Variants in TENM2 observed in about 807,000 individuals in gnomAD.
TENM2 encodes the protein teneurin-2.
Under a neutral mutation model 245.2 loss-of-function variants are expected in TENM2, and 52 were observed. The ratio of observed to expected loss-of-function variants is 0.21; its 90% CI spans 0.17 to 0.27. The LOEUF (loss-of-function observed/expected upper bound fraction) is 0.27. Among genes scored for constraint, TENM2 ranks in the 10% least tolerant of loss-of-function variants. The probability of loss-of-function intolerance (pLI) is 1.00; values close to 1 mark genes in which losing one functional copy is unlikely to be tolerated. For synonymous variants in TENM2, 1,363 were observed against 1,438.9 expected (o/e 0.95, Z 1.19); for missense variants, 3,046 against 3,666.8 (o/e 0.83, Z 4.37).
chr5:167,064,969 C>T, the TENM2 span, among the ~76,000 whole-genome samples: 1 of 152,042 alleles, frequency 6.6e-6, no homozygotes, highest in Non-Finnish European at 1.5e-5. Context: ...AATAATTATG[C>T]TGATTTCTTG....
At chr5:167,002,845 C>T in the TENM2 span, among the ~76,000 whole-genome samples, 4 of 151,820 alleles carry the variant, frequency 2.6e-5, no homozygotes, top group Non-Finnish European at 5.9e-5. Context: ...TAGGACTAGC[C>T]TATTAAGGAG....
the TENM2 span, among the ~76,000 whole-genome samples, chr5:167,259,858 T>C: frequency 2.6e-5 from 4 of 152,282 alleles, no homozygotes; most frequent in African/African-American, 9.6e-5. Context: ...CTACTTCCAA[T>C]GTCTAATGTA....
chr5:167,666,182 C>A (rs1755563049), intron 2 of TENM2, among the ~76,000 whole-genome samples: 1 of 152,198 alleles, frequency 6.6e-6, no homozygotes, highest in Non-Finnish European at 1.5e-5. Context: ...CAGCACGGAC[C>A]TTCCCAGGCA....
chr5:167,814,178 G>A (rs943360301), intron 2 of TENM2, among the ~76,000 whole-genome samples: 4 of 152,142 alleles, frequency 2.6e-5, no homozygotes, highest in African/African-American at 9.6e-5. Context: ...CTATACAGAT[G>A]ATTTTTCCTT....
At chr5:167,338,187 C>T (rs1252344728) in intron 1 of TENM2, among the ~76,000 whole-genome samples, 1 of 152,170 alleles carries the variant, frequency 6.6e-6, no homozygotes, top group Non-Finnish European at 1.5e-5. Context: ...TACAAAGTTT[C>T]TTATTATTGT....
intron 1 of TENM2, among the ~76,000 whole-genome samples, chr5:167,355,469 A>T (rs1759251391): frequency 6.6e-6 from 1 of 152,218 alleles, no homozygotes; most frequent in Admixed American, 6.5e-5. Flanking sequence ...TGAAATAATA[A>T]TCTGCTGCTG....
chr5:167,256,620 C>G, the TENM2 span, among the ~76,000 whole-genome samples: 137 of 152,176 alleles, frequency 9.0e-4, 2 homozygotes, highest in Middle Eastern at 0.014. Context: ...AAAATCTATG[C>G]AATTTATCCA....
intron 4 of TENM2, among the ~76,000 whole-genome samples, chr5:167,959,521 G>A (rs557984983): frequency 2.0e-5 from 3 of 152,144 alleles, no homozygotes; most frequent in Non-Finnish European, 1.5e-5. Context: ...GCTTCACGAA[G>A]TTCTTGTGCT....
chr5:167,998,424 A>C (rs1784207619), intron 5 of TENM2, among the ~76,000 whole-genome samples: 1 of 152,196 alleles, frequency 6.6e-6, no homozygotes, highest in African/African-American at 2.4e-5. Flanking sequence ...TCAAGGAAGA[A>C]AGATGCTTCT....
At chr5:167,046,306 A>G in the TENM2 span, among the ~76,000 whole-genome samples, 1 of 152,164 alleles carries the variant, frequency 6.6e-6, no homozygotes, top group Non-Finnish European at 1.5e-5. Flanking sequence ...TGGAAAAAAA[A>G]AGCCTGTGAT....
intron 2 of TENM2, among the ~76,000 whole-genome samples, chr5:167,553,470 C>G (rs965920237): frequency 6.6e-6 from 1 of 152,196 alleles, no homozygotes; most frequent in Non-Finnish European, 1.5e-5. Context: ...TCTCACATAG[C>G]GTCCAGATCT....
At chr5:167,763,475 C>T (rs948106140) in intron 2 of TENM2, among the ~76,000 whole-genome samples, 2 of 151,984 alleles carry the variant, frequency 1.3e-5, no homozygotes, top group Admixed American at 6.6e-5. Flanking sequence ...CACTGCCTGC[C>T]GAATGAAGAT....
rs538847283 is a variant in TENM2, at chr5:167,831,469, G to A, written c.503-44517G>A. On this transcript the variant is annotated intron_variant, in intron 2 of 28. Coordinates refer to ENST00000518659, the Ensembl canonical transcript of TENM2. ...ACCACCAAGCAAGCCTAAATCAGCT[G>A]CAAAAGAGTTCAGCACTTTTTTTTT... 2.9e-5 allele frequency among the ~76,000 whole-genome samples: 4 copies of A among 139,800 alleles called. No individual in the cohort carries two copies. In the East Asian group the frequency reaches 6.4e-4, roughly 22 times the overall value. The allele number at this position is 139,800 out of a possible 152,430, so 91.7% of individuals were successfully genotyped here. A position where few individuals can be genotyped will look rare whatever the true frequency, so the allele number is the denominator to read the frequency against.
chr5:167,386,923 A>T (rs1470282531), intron 2 of TENM2, among the ~76,000 whole-genome samples: 1 of 152,122 alleles, frequency 6.6e-6, no homozygotes, highest in African/African-American at 2.4e-5. Context: ...CTTATAGTAT[A>T]GTTTGAAATC....
chr5:167,181,466 TTGTGTGTGTGTG>T, the TENM2 span, among the ~76,000 whole-genome samples: 70 of 122,586 alleles, frequency 5.7e-4, 1 homozygote, highest in African/African-American at 1.8e-3. Context: ...AGCCGCTCGT[TTGTGTGTGTGTG>T]TGTGTGTGTG....
chr5:167,984,399 C>T (rs533423370), intron 4 of TENM2, among the ~76,000 whole-genome samples: 28 of 152,242 alleles, frequency 1.8e-4, no homozygotes, highest in African/African-American at 6.3e-4. Context: ...GGCTCATGCC[C>T]GTAATTCTAG....
chr5:167,887,402 A>T (rs1427559654), intron 3 of TENM2, among the ~76,000 whole-genome samples: 2 of 152,204 alleles, frequency 1.3e-5, no homozygotes, highest in Non-Finnish European at 2.9e-5. Context: ...GGGGCAACAA[A>T]AAGGTGGCAG....
chr5:168,192,916 A>G (rs1761082207), intron 14 of TENM2, among the ~76,000 whole-genome samples: 1 of 152,140 alleles, frequency 6.6e-6, no homozygotes, highest in Non-Finnish European at 1.5e-5. Context: ...AAATCCAGTC[A>G]TTTCCTGATA....
intron 2 of TENM2, among the ~76,000 whole-genome samples, chr5:167,840,550 G>A (rs1769409228): frequency 6.6e-6 from 1 of 151,618 alleles, no homozygotes; most frequent in Non-Finnish European, 1.5e-5. Flanking sequence ...TCCTCCCCCA[G>A]CCCCCCACAA....
Sources: gnomAD v4.1 joint callset for allele counts (sites outside exome capture counted in the v4.1 genomes callset) on GRCh38, gnomAD v4.1.1 for gene constraint, MANE v1.5 for transcripts, NCBI Gene and HGNC (gene_info 2026-07-23, HGNC 2026-07-21) for gene names.